PRLR: variants seen among roughly 807,000 people sequenced by gnomAD.
The protein encoded by PRLR is prolactin receptor, also known as hPRL receptor.
PRLR carries 13 observed loss-of-function variants against 40.2 expected under a neutral mutation model. The ratio of observed to expected loss-of-function variants is 0.32; its 90% CI spans 0.21 to 0.51. The LOEUF (loss-of-function observed/expected upper bound fraction) is 0.51, where lower values mean the gene tolerates loss of function less well. Among genes scored for constraint, PRLR ranks in the 20% least tolerant of loss-of-function variants. The pLI, the probability that PRLR is intolerant of heterozygous loss-of-function variation, is 0.97. For synonymous variants in PRLR, 269 were observed against 278.7 expected (o/e 0.97, Z 0.35); for missense variants, 656 against 747.3 (o/e 0.88, Z 1.42).
At chr5:35,083,878 T>A (rs781548515) in intron 5 of PRLR, among the ~76,000 whole-genome samples, 2 of 141,538 alleles carry the variant, frequency 1.4e-5, no homozygotes, top group Non-Finnish European at 3.0e-5. Flanking sequence ...CACCTCATAT[T>A]ATCTTATGTT....
intron 2 of PRLR, among the ~76,000 whole-genome samples, chr5:35,099,311 GT>G (rs748823563): frequency 3.9e-5 from 6 of 152,174 alleles, no homozygotes; most frequent in Non-Finnish European, 8.8e-5. Context: ...GGGCTGAAAA[GT>G]TCCTATTGCC....
intron 1 of PRLR, among the ~76,000 whole-genome samples, chr5:35,127,341 T>TGGAGTCTTAA (rs1773504438): frequency 6.6e-6 from 1 of 152,202 alleles, no homozygotes; most frequent in Non-Finnish European, 1.5e-5. Context: ...GAGTCTTAAA[T>TGGAGTCTTAA]ACAGACCCAC....
At chr5:35,051,925 A>T (rs1317082749), downstream of PRLR, among the ~76,000 whole-genome samples, 1 of 152,226 alleles carries the variant, frequency 6.6e-6, no homozygotes, top group Non-Finnish European at 1.5e-5. Context: ...ATCAGAAAAA[A>T]TAGGTTTTAA....
intron 1 of PRLR, among the ~76,000 whole-genome samples, chr5:35,159,446 AC>A (rs1335824202): frequency 6.6e-6 from 1 of 151,018 alleles, no homozygotes; most frequent in Non-Finnish European, 1.5e-5. Flanking sequence ...CCCAGAAAAA[AC>A]TAGAGTGTCA....
chr5:35,052,714 G>A (rs961574915), downstream of PRLR, among the ~76,000 whole-genome samples: 4 of 152,264 alleles, frequency 2.6e-5, no homozygotes, highest in African/African-American at 7.2e-5. Flanking sequence ...TAGGTCATAA[G>A]ACCCCCTTTC....
At chr5:35,228,703 A>AGGCT (rs1291333083) in intron 1 of PRLR, among the ~76,000 whole-genome samples, 6 of 152,284 alleles carry the variant, frequency 3.9e-5, no homozygotes, top group Non-Finnish European at 7.4e-5. Flanking sequence ...CTGGAGTCAG[A>AGGCT]GGCTGGTAGA....
Position 35,065,592 on chromosome 5 carries a change from T to C in PRLR, c.1366A>G (p.Lys456Glu). ...GTTTGAGAGGATTTTAAAGCATCTT[T>C]ACCTGCTTCATTCAACAGAGTGGCC... ...APATLLNEAG[K>E]DALKSSQTIK... Residue 456 changes from lysine (K) to glutamate (E), a missense_variant, in exon 10 of 10, where the codon AAA (lysine) becomes GAA (glutamate). Coordinates refer to ENST00000618457, the MANE Select transcript of PRLR (RefSeq NM_000949.7). 1 of 1,614,132 alleles carries C rather than the reference T, an allele frequency of 6.2e-7. No homozygotes were observed. Among genetic ancestry groups the C allele is most frequent in the Non-Finnish European group, 8.5e-7 (1 of 1,180,034 alleles).
At chr5:35,148,024 G>A (rs1481538633) in intron 1 of PRLR, among the ~76,000 whole-genome samples, 1 of 151,868 alleles carries the variant, frequency 6.6e-6, no homozygotes, top group Non-Finnish European at 1.5e-5. Context: ...AAACAACAGG[G>A]AATTAATCAT....
intron 1 of PRLR, among the ~76,000 whole-genome samples, chr5:35,225,434 C>T (rs1776523815): frequency 6.6e-6 from 1 of 152,074 alleles, no homozygotes; most frequent in Middle Eastern, 3.2e-3. Flanking sequence ...GACACAAGAA[C>T]AGAGGAAGAA....
chr5:35,090,006 CAT>C (rs748180218), intron 2 of PRLR, among the ~76,000 whole-genome samples: 16 of 152,186 alleles, frequency 1.1e-4, no homozygotes, highest in Non-Finnish European at 2.4e-4. Context: ...TCTTATGTAA[CAT>C]AGATTGTATG....
chr5:35,068,380 G>A (rs1039544039), intron 8 of PRLR, 95 bp from the exon 9 acceptor site: 15 of 1,077,204 alleles, frequency 1.4e-5, no homozygotes, highest in Non-Finnish European at 2.1e-5. Flanking sequence ...GACTGTGATA[G>A]AGATAGGACT....
At chr5:35,215,499 G>C (rs893546731) in intron 1 of PRLR, among the ~76,000 whole-genome samples, 1 of 152,154 alleles carries the variant, frequency 6.6e-6, no homozygotes, top group Non-Finnish European at 1.5e-5. Context: ...TACATACCTT[G>C]TCTTGTCTTT....
At position 35,060,080 on chromosome 5, in the gene PRLR, CTAAA is replaced by C. The variant is rs1768946784; in HGVS notation, c.*5005_*5008del. 1 of 152,186 alleles carries C rather than the reference CTAAA, an allele frequency of 6.6e-6. No individual in the cohort carries two copies. The highest frequency in any genetic ancestry group is 2.4e-5 in the African/African-American group (1 of 41,434). 9.4% of individuals were successfully genotyped at this position (152,186 alleles called of 1,614,324 possible). A position where few individuals can be genotyped will look rare whatever the true frequency, so the allele number is the denominator to read the frequency against. ...GATTTATTAATGGCTTTTGAATTAA[CTAAA>C]TAATTAATGAACATGGGCTTAATCT... On this transcript the variant is annotated 3_prime_UTR_variant, in exon 10 of 10. Transcript: ENST00000618457.
At chr5:35,102,528 C>T in intron 2 of PRLR, among the ~76,000 whole-genome samples, 1 of 134,100 alleles carries the variant, frequency 7.5e-6, no homozygotes, top group African/African-American at 3.1e-5. Context: ...CTCCTCTCCT[C>T]TCCTCTCCTC....
intron 8 of PRLR, chr5:35,049,512 A>G (rs776955076): frequency 1.3e-5 from 8 of 623,712 alleles, no homozygotes; most frequent in Non-Finnish European, 2.3e-5. Context: ...TCGGATTACC[A>G]TAACATAATA....
chr5:35,102,497 A>ACTCCTCTCCACTCCTCTCCC (rs1771956039), intron 2 of PRLR, among the ~76,000 whole-genome samples: 87 of 68,844 alleles, frequency 1.3e-3, no homozygotes, highest in African/African-American at 3.4e-3. Context: ...TCTCCTCTCC[A>ACTCCTCTCCACTCCTCTCCC]CTCCTCTCCT....
chr5:35,184,865 TAGTTA>T (rs1258930015), intron 1 of PRLR, among the ~76,000 whole-genome samples: 1 of 152,124 alleles, frequency 6.6e-6, no homozygotes, highest in Non-Finnish European at 1.5e-5. Context: ...GGAAAAGGGG[TAGTTA>T]AGTTTAGCAT....
Position 35,061,852 on chromosome 5 carries a change from A to T in PRLR, c.*3237T>A, listed in dbSNP as rs1208053265. On this transcript the variant is annotated 3_prime_UTR_variant, in exon 10 of 10. Transcript: ENST00000618457. The stretch of plus-strand genomic sequence containing the variant: ...TTAACAATCTAGGATGGTGCAAGGA[A>T]AAAAATTAACAGCCAAATATAAGAA... 6.6e-6 allele frequency: 1 copy of T among 152,178 alleles called. No homozygotes were observed. Among genetic ancestry groups the T allele is most frequent in the East Asian group, 1.9e-4 (1 of 5,194 alleles). 9.4% of individuals were successfully genotyped at this position (152,178 alleles called of 1,614,324 possible).
chr5:35,113,128 A>G (rs1362349627), intron 2 of PRLR, among the ~76,000 whole-genome samples: 3 of 106,106 alleles, frequency 2.8e-5, no homozygotes, highest in Admixed American at 2.3e-4. Flanking sequence ...CCGCCCACCC[A>G]TTTATCCACC....
Sources: allele counts gnomAD v4.1 joint callset (sites outside exome capture counted in the v4.1 genomes callset), GRCh38; gene constraint gnomAD v4.1.1; transcripts MANE v1.5; gene names NCBI Gene and HGNC (gene_info 2026-07-23, HGNC 2026-07-21).